Variants in ANKRD6 observed in about 807,000 individuals in gnomAD.
ANKRD6 encodes the protein ankyrin repeat domain 6.
A neutral mutation model predicts 82.3 loss-of-function variants in ANKRD6; 56 were observed. The observed-to-expected ratio is 0.68, with a 90% CI of 0.55 to 0.85. The LOEUF is 0.85. ANKRD6 is among the 40% of genes least tolerant of loss of function. The pLI is 0.00. For synonymous variants in ANKRD6, 347 were observed against 352.1 expected (o/e 0.99, Z 0.16); for missense variants, 852 against 907.6 (o/e 0.94, Z 0.79).
At chr6:89,538,103 GTACT>G (rs1261092841) in intron 1 of ANKRD6, among the ~76,000 whole-genome samples, 2 of 151,826 alleles carry the variant, frequency 1.3e-5, no homozygotes, top group East Asian at 1.9e-4. Context: ...AAAATATTTA[GTACT>G]TACTTACATT....
In ANKRD6 at chr6:89,592,005, G is replaced by C. The variant is rs557690702; in HGVS notation, c.121-3911G>C. On this transcript the variant is annotated intron_variant, in intron 2 of 15. Coordinates refer to ENST00000339746, the MANE Select transcript of ANKRD6 (RefSeq NM_001242809.2). ...GTGCGAGGCCAGGAGCATTGCTGGA[G>C]AATCAGGGAAGTCATAGTTTGGAGA... Among the ~76,000 whole-genome samples, 174 of 152,304 alleles carry C rather than the reference G, an allele frequency of 1.1e-3. 3 individuals carry two copies. Among genetic ancestry groups the C allele is most frequent in the Admixed American group, 3.1e-3 (47 of 15,292 alleles).
chr6:89,476,492 A>G (rs1284400977), intron 1 of ANKRD6, among the ~76,000 whole-genome samples: 3 of 152,096 alleles, frequency 2.0e-5, no homozygotes, highest in Middle Eastern at 3.2e-3. Flanking sequence ...TTTATCTTTG[A>G]CTTTTTCCAC....
rs766186561 is a variant in ANKRD6 at position 89,630,740 on chromosome 6, C to G, written c.1920C>G (p.Ser640Arg). 6.8e-6 allele frequency: 11 copies of G among 1,613,708 alleles called. No individual in the cohort carries two copies. Among genetic ancestry groups the G allele is most frequent in the Admixed American group, 1.7e-5 (1 of 59,996 alleles). ...RHRAQQPAASSTCGQPPPATG... is the reference protein window; with the variant it reads ...RHRAQQPAASRTCGQPPPATG... ...GTGCCCAGCAACCCGCAGCCAGCAG[C>G]ACCTGTGGGCAGCCGCCACCAGCCA... The change falls in exon 16 of 16, where the codon AGC becomes AGG. Residue 640 changes from serine to arginine, a missense_variant. By Grantham distance (110) the Ser-to-Arg change is moderately radical. Transcript: ENST00000339746.
intron 1 of ANKRD6, among the ~76,000 whole-genome samples, chr6:89,505,949 A>G (rs928113990): frequency 4.6e-5 from 7 of 152,248 alleles, no homozygotes; most frequent in African/African-American, 1.7e-4. Context: ...ACTAAATGAA[A>G]TAAGCCAAAC....
chr6:89,625,556 T>G (rs1318604213), intron 13 of ANKRD6, among the ~76,000 whole-genome samples: 4 of 152,168 alleles, frequency 2.6e-5, no homozygotes, highest in African/African-American at 9.7e-5. Flanking sequence ...TTTTTTTAAC[T>G]CTTGAACTAT....
intron 1 of ANKRD6, among the ~76,000 whole-genome samples, chr6:89,529,769 C>T (rs1233186969): frequency 6.6e-6 from 1 of 152,102 alleles, no homozygotes; most frequent in East Asian, 1.9e-4. Flanking sequence ...TGTTGTGTCT[C>T]AGCAAATAGG....
chr6:89,607,529 G>C (rs1799018933), intron 5 of ANKRD6, among the ~76,000 whole-genome samples: 1 of 152,072 alleles, frequency 6.6e-6, no homozygotes, highest in Non-Finnish European at 1.5e-5. Flanking sequence ...AAGCACAGAA[G>C]AATATCATCA....
chr6:89,614,368 G>A (rs1219000100), intron 7 of ANKRD6, among the ~76,000 whole-genome samples: 1 of 152,116 alleles, frequency 6.6e-6, no homozygotes, highest in African/African-American at 2.4e-5. Context: ...AATTTGGCCG[G>A]CCGTGGTGGC....
At chr6:89,569,603 A>G (rs564364123) in intron 2 of ANKRD6, among the ~76,000 whole-genome samples, 1 of 152,326 alleles carries the variant, frequency 6.6e-6, no homozygotes, top group African/African-American at 2.4e-5. Context: ...TCTCTAGAGT[A>G]TATTCCTAGG....
At chr6:89,457,251 G>A (rs535175484) in intron 1 of ANKRD6, among the ~76,000 whole-genome samples, 89 of 152,220 alleles carry the variant, frequency 5.8e-4, no homozygotes, top group African/African-American at 2.1e-3. Context: ...ATGTTCTATT[G>A]GTCACACATA....
intron 1 of ANKRD6, among the ~76,000 whole-genome samples, chr6:89,447,563 C>T (rs1480740293): frequency 1.3e-5 from 2 of 152,226 alleles, no homozygotes; most frequent in African/African-American, 2.4e-5. Flanking sequence ...GTTGAAGCTA[C>T]AGCAAGTTAT....
At chr6:89,485,768 T>A (rs1489550304) in intron 1 of ANKRD6, among the ~76,000 whole-genome samples, 1 of 152,228 alleles carries the variant, frequency 6.6e-6, no homozygotes, top group Non-Finnish European at 1.5e-5. Context: ...ATTAAATTAC[T>A]CCTTATTTGA....
At chr6:89,624,140 G>A in intron 12 of ANKRD6, 83 bp downstream of exon 12, 1 of 1,401,572 alleles carries the variant, frequency 7.1e-7, no homozygotes, top group Non-Finnish European at 9.6e-7. Context: ...GGGGCTGATA[G>A]GCACTTTAGG....
At chr6:89,501,514 C>T (rs1488426660) in intron 1 of ANKRD6, among the ~76,000 whole-genome samples, 3 of 152,198 alleles carry the variant, frequency 2.0e-5, no homozygotes, top group African/African-American at 4.8e-5. Flanking sequence ...GAGCTCCCAG[C>T]CACGAGAATG....
Position 89,631,747 on chromosome 6 carries a change from C to A in ANKRD6, c.*743C>A, listed in dbSNP as rs1807449217. 1 of 152,126 alleles carries A rather than the reference C, an allele frequency of 6.6e-6. No individual in the cohort carries two copies. The highest frequency in any genetic ancestry group is 1.5e-5 in the Non-Finnish European group (1 of 68,036). The allele number at this position is 152,126 out of a possible 1,614,324, so 9.4% of individuals were successfully genotyped here. ...AATCAGTTATATAGTGATTTTAAAG[C>A]AGATTAATGGAAAAAAATTCATGTA... On this transcript the variant is annotated 3_prime_UTR_variant, in exon 16 of 16. Coordinates refer to ENST00000339746, the MANE Select transcript of ANKRD6 (RefSeq NM_001242809.2).
At chr6:89,460,187 A>G (rs1773954940) in intron 1 of ANKRD6, among the ~76,000 whole-genome samples, 1 of 150,846 alleles carries the variant, frequency 6.6e-6, no homozygotes, top group Non-Finnish European at 1.5e-5. Context: ...CAGAGACAGG[A>G]AACTTACCTG....
chr6:89,628,863 C>G, intron 14 of ANKRD6: 1 of 479,668 alleles, frequency 2.1e-6, no homozygotes, highest in Non-Finnish European at 3.8e-6. Context: ...GGCATTCACC[C>G]CCTTGACACA....
In ANKRD6 at chr6:89,520,394, G is replaced by A. The variant is rs538136934; in HGVS notation, c.-143-46440G>A. Among the ~76,000 whole-genome samples the A allele has an allele frequency of 5.0e-4, 76 of 152,356 alleles. 1 individual carries two copies. Among genetic ancestry groups the A allele is most frequent in the African/African-American group, 1.7e-3 (72 of 41,586 alleles). On this transcript the variant is annotated intron_variant, in intron 1 of 15. Coordinates refer to ENST00000339746, the MANE Select transcript of ANKRD6 (RefSeq NM_001242809.2). Reference sequence around the variant, plus strand: ...TCCATGGATGTCTGAATAGGAGTGTGCTGCAAATGGGTCAGCATCACAACA... The same window carrying A: ...TCCATGGATGTCTGAATAGGAGTGTACTGCAAATGGGTCAGCATCACAACA...
intron 1 of ANKRD6, among the ~76,000 whole-genome samples, chr6:89,552,143 C>T (rs558629691): frequency 5.9e-5 from 9 of 152,254 alleles, no homozygotes; most frequent in African/African-American, 1.2e-4. Flanking sequence ...AGCCTTAGCT[C>T]GGAAATAATC....
Sources: gnomAD v4.1 joint callset for allele counts (sites outside exome capture counted in the v4.1 genomes callset) on GRCh38, gnomAD v4.1.1 for gene constraint, MANE v1.5 for transcripts, NCBI Gene and HGNC (gene_info 2026-07-23, HGNC 2026-07-21) for gene names.